The following MEIOSIN variants were observed in gnomAD, a reference collection of about 807,000 sequenced individuals.
MEIOSIN encodes meiosis initiator.
Under a neutral mutation model 23.4 loss-of-function variants are expected in MEIOSIN, and 18 were observed. That is an observed-to-expected ratio of 0.77 (90% CI 0.53 to 1.14). MEIOSIN has a LOEUF of 1.14. MEIOSIN is among the 50% of genes most tolerant of loss of function. MEIOSIN has a pLI of 0.00. For missense variants in MEIOSIN, 428 were observed against 242.9 expected (o/e 1.76, Z -5.07); for synonymous variants, 187 against 100.6 (o/e 1.86, Z -5.14).
chr19:45,756,159 C>G (rs1360138006), intron 8 of MEIOSIN, 81 bp downstream of exon 8: 7 of 677,188 alleles, frequency 1.0e-5, no homozygotes, highest in Non-Finnish European at 1.6e-5. Context: ...GGAAGACAGG[C>G]CAAGTCACGT....
At chr19:45,757,643 C>T (rs749911843) in intron 9 of MEIOSIN, among the ~76,000 whole-genome samples, 3 of 152,284 alleles carry the variant, frequency 2.0e-5, no homozygotes, top group South Asian at 2.1e-4. Context: ...GCCTCAGCCT[C>T]CCGAGTAGCT....
intron 8 of MEIOSIN, among the ~76,000 whole-genome samples, chr19:45,756,410 C>T (rs925990695): frequency 6.6e-6 from 1 of 151,680 alleles, no homozygotes; most frequent in African/African-American, 2.4e-5. Flanking sequence ...GCATAGAGTC[C>T]AATATTTTTG....
chr19:45,758,817 G>T, intron 9 of MEIOSIN, 61 bp from the exon 10 acceptor site: 1 of 674,784 alleles, frequency 1.5e-6, no homozygotes, highest in Non-Finnish European at 2.7e-6. Flanking sequence ...AATGCCAGCT[G>T]CTGTGCTAGG....
At chr19:45,763,225 C>T (rs1418575367) in intron 13 of MEIOSIN, 113 bp from the exon 14 acceptor site, 2 of 397,078 alleles carry the variant, frequency 5.0e-6, no homozygotes. Flanking sequence ...GCCTCCTCAG[C>T]TCCAGAGGGT....
chr19:45,752,043 T>C (rs1476898230), intron 5 of MEIOSIN, among the ~76,000 whole-genome samples: 1 of 146,702 alleles, frequency 6.8e-6, no homozygotes, highest in African/African-American at 2.5e-5. Context: ...GTTTTTTTTT[T>C]TTTTTTTTTT....
intron 4 of MEIOSIN, among the ~76,000 whole-genome samples, chr19:45,746,291 T>G (rs1968594296): frequency 6.6e-6 from 1 of 152,176 alleles, no homozygotes; most frequent in African/African-American, 2.4e-5. Flanking sequence ...AAAGTCAAGT[T>G]GTCAGCAGGG....
intron 7 of MEIOSIN, among the ~76,000 whole-genome samples, chr19:45,755,339 AG>A (rs1968804125): frequency 6.6e-6 from 1 of 151,964 alleles, no homozygotes; most frequent in Non-Finnish European, 1.5e-5. Context: ...TAGTACAAAC[AG>A]GGTTTTGCCA....
intron 5 of MEIOSIN, among the ~76,000 whole-genome samples, chr19:45,753,245 TAGA>T (rs1231358045): frequency 6.6e-6 from 1 of 152,098 alleles, no homozygotes; most frequent in Non-Finnish European, 1.5e-5. Context: ...TGAGTAAACC[TAGA>T]AGATGTTAAT....
Position 45,758,733 on chromosome 19 carries a change from C to T in MEIOSIN, c.1013-145C>T, listed in dbSNP as rs931552693. ...CGTGAGCCATCGCAGCCGGCTGCCT[C>T]TTCATTTCTGTGATCAAGAATTCAA... On this transcript the variant is annotated intron_variant, in intron 9 of 14. Transcript: ENST00000457052. 2.0e-5 allele frequency: 12 copies of T among 603,244 alleles called. No homozygotes were observed. The East Asian group carries it at 2.8e-4, about 14-fold the overall frequency. 37.4% of individuals were successfully genotyped at this position (603,244 alleles called of 1,614,324 possible).
chr19:45,747,557 A>AAGAGCAG (rs1382057267), intron 4 of MEIOSIN, among the ~76,000 whole-genome samples: 1 of 152,230 alleles, frequency 6.6e-6, no homozygotes, highest in Non-Finnish European at 1.5e-5. Flanking sequence ...AGGGCCTAGC[A>AAGAGCAG]AGAGCAGAGA....
chr19:45,741,881 TA>T (rs1968512148), intron 3 of MEIOSIN, among the ~76,000 whole-genome samples: 1 of 152,200 alleles, frequency 6.6e-6, no homozygotes, highest in African/African-American at 2.4e-5. Flanking sequence ...TTTATTTATT[TA>T]TTTTTTGAGA....
chr19:45,734,615 C>G (rs1432350183), intron 1 of MEIOSIN, among the ~76,000 whole-genome samples: 1 of 151,742 alleles, frequency 6.6e-6, no homozygotes, highest in African/African-American at 2.4e-5. Flanking sequence ...ACCATCCCCC[C>G]ACCTCAGGCT....
chr19:45,749,695 C>CAAAA (rs1220005971), intron 4 of MEIOSIN, among the ~76,000 whole-genome samples: 3 of 72,362 alleles, frequency 4.1e-5, no homozygotes, highest in Admixed American at 1.6e-4. Flanking sequence ...AAAAAAAGCG[C>CAAAA]AAAAAAAAAA....
intron 3 of MEIOSIN, among the ~76,000 whole-genome samples, chr19:45,743,679 A>G (rs931879120): frequency 2.0e-5 from 3 of 151,504 alleles, no homozygotes; most frequent in Non-Finnish European, 4.4e-5. Flanking sequence ...GTGCCACCAC[A>G]CCTGGCTGAT....
rs761840351 is a variant in MEIOSIN at position 45,754,459 on chromosome 19, C to G, written c.557-20C>G. On this transcript the variant is annotated intron_variant, in intron 6 of 14. Coordinates refer to ENST00000457052, the MANE Select transcript of MEIOSIN (RefSeq NM_001310124.2). ...GGTGACTCCCAGGCCCCTCTGACAC[C>G]TGAACCTCTGCTCCCCCAGAAAGCC... 94 of 697,492 alleles carry G rather than the reference C, an allele frequency of 1.3e-4. No homozygotes were observed. The highest frequency in any genetic ancestry group is 2.1e-4 in the Non-Finnish European group (80 of 381,556). 43.2% of individuals were successfully genotyped at this position (697,492 alleles called of 1,614,324 possible).
chr19:45,739,488 AG>A lies in MEIOSIN; in HGVS notation c.72-137del, dbSNP rs1338142952. 3 of 622,018 alleles carry A rather than the reference AG, an allele frequency of 4.8e-6. No individual in the cohort carries two copies. The African/African-American group carries it at 5.6e-5, about 12-fold the overall frequency. 38.5% of individuals were successfully genotyped at this position (622,018 alleles called of 1,614,324 possible). A position where few individuals can be genotyped will look rare whatever the true frequency, so the allele number is the denominator to read the frequency against. ...CCTTTGGAAGGGCAAGATGGTTCCCAGCAGTTCCAGGTCTATATCTTGCCAA... is the reference window on the plus strand; with the variant it reads ...CCTTTGGAAGGGCAAGATGGTTCCCACAGTTCCAGGTCTATATCTTGCCAA... On this transcript the variant is annotated intron_variant, in intron 2 of 14. Transcript: ENST00000457052.
chr19:45,742,516 A>G (rs1968523691), intron 3 of MEIOSIN, among the ~76,000 whole-genome samples: 1 of 151,986 alleles, frequency 6.6e-6, no homozygotes, highest in Non-Finnish European at 1.5e-5. Context: ...GCGGTGGCTC[A>G]CGCCTGTAAT....
rs965707261 is a variant in MEIOSIN at position 45,733,843 on chromosome 19, G to C, written c.-1+177G>C. Among the ~76,000 whole-genome samples the C allele has an allele frequency of 5.9e-5, 9 of 152,324 alleles. No homozygotes were observed. The highest frequency in any genetic ancestry group is 2.2e-4 in the African/African-American group (9 of 41,578). ...GACGGAGTTTGGGTTTGAAGCCGGG[G>C]GTCCAGGTTCGAGTTTGAGGAACGG... On this transcript the variant is annotated intron_variant, in intron 1 of 14. Coordinates refer to ENST00000457052, the MANE Select transcript of MEIOSIN (RefSeq NM_001310124.2). The surrounding 1 kb of genome is among the most constrained non-coding windows in gnomAD (Gnocchi z 5.7).
intron 8 of MEIOSIN, 115 bp from the exon 9 acceptor site, chr19:45,757,062 T>C (rs1968844346): frequency 3.3e-6 from 2 of 610,168 alleles, no homozygotes; most frequent in East Asian, 5.5e-5. Flanking sequence ...CTCGACTGAC[T>C]GAGCTTTACA....
Sources: allele counts gnomAD v4.1 joint callset (sites outside exome capture counted in the v4.1 genomes callset), GRCh38; gene constraint gnomAD v4.1.1; non-coding constraint Gnocchi (gnomAD v3.1); transcripts MANE v1.5; gene names NCBI Gene and HGNC (gene_info 2026-07-23, HGNC 2026-07-21).